Variants in TRIM42 observed in about 807,000 individuals in gnomAD.
The protein encoded by TRIM42 is tripartite motif-containing protein 42.
A neutral mutation model predicts 64.9 loss-of-function variants in TRIM42; 59 were observed. That is an observed-to-expected ratio of 0.91 (90% CI 0.74 to 1.13). TRIM42 has a LOEUF of 1.13. Among genes scored for constraint, TRIM42 ranks in the 50% most tolerant of loss-of-function variants. The pLI, the probability that TRIM42 is intolerant of heterozygous loss-of-function variation, is 0.00. For missense variants in TRIM42, 878 were observed against 929.5 expected (o/e 0.94, Z 0.72); for synonymous variants, 354 against 346.3 (o/e 1.02, Z -0.25).
chr3:140,688,863 C>G (rs1347741127), intron 3 of TRIM42, among the ~76,000 whole-genome samples: 1 of 152,244 alleles, frequency 6.6e-6, no homozygotes, highest in African/African-American at 2.4e-5. Flanking sequence ...TTTGAAGACA[C>G]TACTTGGCAG....
At chr3:140,700,624 C>A (rs1182887879) in intron 4 of TRIM42, among the ~76,000 whole-genome samples, 2 of 152,232 alleles carry the variant, frequency 1.3e-5, no homozygotes, top group Non-Finnish European at 1.5e-5. Flanking sequence ...GTCATCAGCA[C>A]TTAGTCACAT....
At chr3:140,679,537 T>C (rs965333992) in intron 1 of TRIM42, among the ~76,000 whole-genome samples, 2 of 152,204 alleles carry the variant, frequency 1.3e-5, no homozygotes, top group Non-Finnish European at 2.9e-5. Flanking sequence ...TTTGGTGAAT[T>C]CAGGGGAAAG....
chr3:140,679,749 TG>T (rs1055668430), intron 1 of TRIM42, among the ~76,000 whole-genome samples: 1 of 152,136 alleles, frequency 6.6e-6, no homozygotes, highest in African/African-American at 2.4e-5. Context: ...ACTGAACCTC[TG>T]AGCCCATTTC....
At chr3:140,700,581 G>A (rs1256812961) in intron 4 of TRIM42, among the ~76,000 whole-genome samples, 1 of 152,188 alleles carries the variant, frequency 6.6e-6, no homozygotes, top group Non-Finnish European at 1.5e-5. Flanking sequence ...GATCCTCTAT[G>A]GTGAAGCTCA....
At chr3:140,693,393 C>T (rs1469960155) in intron 4 of TRIM42, among the ~76,000 whole-genome samples, 3 of 152,142 alleles carry the variant, frequency 2.0e-5, no homozygotes, top group Non-Finnish European at 4.4e-5. Flanking sequence ...TCATTTTTAT[C>T]TGACTTGAGG....
At chr3:140,682,415 G>A (rs376981522) in intron 1 of TRIM42, 47 bp from the exon 2 acceptor site, 11 of 1,560,818 alleles carry the variant, frequency 7.0e-6, no homozygotes, top group South Asian at 1.2e-5. Flanking sequence ...AGCAGAGCAA[G>A]CTCTTGAGCC....
Position 140,688,350 on chromosome 3 carries a change from T to C in TRIM42, c.1668T>C (p.Cys556=), listed in dbSNP as rs1321637358. 1.2e-6 allele frequency: 2 copies of C among 1,614,030 alleles called. No individual in the cohort carries two copies. The highest frequency in any genetic ancestry group is 1.7e-6 in the Non-Finnish European group (2 of 1,180,022). ...AGGCCAAGGTGGGTCTGGAGGCCTG[T>C]GGGAGAGCCCAGTCAGCCACCCCCG... The part of the protein sequence containing the change: ...DKKAKVGLEA[C]GRAQSATPAK... The change falls in exon 3 of 5, where the codon TGT becomes TGC. Residue 556 remains cysteine (C), a synonymous_variant. Coordinates refer to ENST00000286349, the MANE Select transcript of TRIM42 (RefSeq NM_152616.5).
intron 4 of TRIM42, among the ~76,000 whole-genome samples, chr3:140,699,307 A>G (rs1988933861): frequency 6.6e-6 from 1 of 152,098 alleles, no homozygotes; most frequent in African/African-American, 2.4e-5. Context: ...TATTGTTTTT[A>G]TCTGGTTCTG....
intron 4 of TRIM42, 67 bp from the exon 5 acceptor site, chr3:140,700,821 C>A: frequency 1.4e-6 from 2 of 1,446,394 alleles, no homozygotes; most frequent in Non-Finnish European, 1.9e-6. Context: ...GTCTGACATG[C>A]AGAAGGGCCC....
rs149309664 is a variant in TRIM42, at chr3:140,688,374, C to T, written c.1692C>T (p.Pro564=). The change falls in exon 3 of 5, where the codon CCC becomes CCT. Residue 564 remains proline, a synonymous_variant. Transcript: ENST00000286349. ...GTGGGAGAGCCCAGTCAGCCACCCC[C>T]GCCAAACCCACAGACGGCCTCTACA... is the stretch of plus-strand genomic sequence containing the variant. ...EACGRAQSAT[P]AKPTDGLYTY... The T allele has an allele frequency of 4.3e-5, 69 of 1,614,016 alleles. No individual in the cohort carries two copies. The highest frequency in any genetic ancestry group is 2.1e-4 in the South Asian group (19 of 91,082).
At position 140,678,518 on chromosome 3, in the gene TRIM42, C is replaced by T. The variant is rs753830695; in HGVS notation, c.289C>T (p.Arg97Cys). 14 of 1,614,106 alleles carry T rather than the reference C, an allele frequency of 8.7e-6. No individual in the cohort carries two copies. Among genetic ancestry groups the T allele is most frequent in the East Asian group, 2.2e-5 (1 of 44,876 alleles). Residue 97 changes from arginine (R) to cysteine (C), a missense_variant, in exon 1 of 5, where the codon CGC (arginine) becomes TGC (cysteine). Coordinates refer to ENST00000286349, the MANE Select transcript of TRIM42 (RefSeq NM_152616.5). ...NCYYYESRCC[R>C]NTIITFHKGR... ...CTACTACTATGAGAGCCGCTGCTGCCGCAATACCATCATCACTTTCCACAA... is the reference window on the plus strand; with the variant it reads ...CTACTACTATGAGAGCCGCTGCTGCTGCAATACCATCATCACTTTCCACAA...
chr3:140,695,155 C>G (rs955802110), intron 4 of TRIM42, among the ~76,000 whole-genome samples: 4 of 152,046 alleles, frequency 2.6e-5, no homozygotes, highest in Non-Finnish European at 5.9e-5. Context: ...GGCTGAGGCA[C>G]GAGACTCGCT....
intron 1 of TRIM42, among the ~76,000 whole-genome samples, chr3:140,681,538 C>G (rs1337235629): frequency 6.6e-6 from 1 of 152,088 alleles, no homozygotes; most frequent in Non-Finnish European, 1.5e-5. Context: ...GATCCATTAC[C>G]ATTACCTATT....
chr3:140,685,627 T>C (rs138574450), intron 2 of TRIM42, among the ~76,000 whole-genome samples: 4 of 152,298 alleles, frequency 2.6e-5, no homozygotes, highest in Admixed American at 2.6e-4. Flanking sequence ...CACAGGCCCA[T>C]TGATTCAGAA....
chr3:140,697,109 T>C (rs1559940252), intron 4 of TRIM42, among the ~76,000 whole-genome samples: 1 of 152,248 alleles, frequency 6.6e-6, no homozygotes, highest in Admixed American at 6.5e-5. Context: ...CTTATTATTT[T>C]AAATTTCATT....
At position 140,682,776 on chromosome 3, in the gene TRIM42, T is replaced by C. The variant is rs987840869; in HGVS notation, c.656T>C (p.Met219Thr). The C allele has an allele frequency of 1.9e-6, 3 of 1,613,578 alleles. No homozygotes were observed. The highest frequency in any genetic ancestry group is 1.7e-5 in the Admixed American group (1 of 60,028). ...CACGGGCGTCTCACCAAGCGCTACA[T>C]GCAGGAGCACGGCTACCTCAAGTGG... is the stretch of plus-strand genomic sequence containing the variant. ...YLHGRLTKRY[M>T]QEHGYLKWRF... Residue 219 changes from methionine (M) to threonine (T), a missense_variant, in exon 2 of 5, where the codon ATG becomes ACG. Coordinates refer to ENST00000286349, the MANE Select transcript of TRIM42 (RefSeq NM_152616.5).
At chr3:140,684,915 T>C (rs1227154896) in intron 2 of TRIM42, among the ~76,000 whole-genome samples, 2 of 152,030 alleles carry the variant, frequency 1.3e-5, no homozygotes, top group East Asian at 3.9e-4. Context: ...AGGAGAAACT[T>C]AGGATAGTTT....
At chr3:140,694,225 C>A (rs1988794581) in intron 4 of TRIM42, among the ~76,000 whole-genome samples, 1 of 152,184 alleles carries the variant, frequency 6.6e-6, no homozygotes, top group East Asian at 1.9e-4. Flanking sequence ...CAAGATTACG[C>A]ATTGAAAAGA....
chr3:140,679,076 T>G (rs115355051), intron 1 of TRIM42, among the ~76,000 whole-genome samples: 3,093 of 149,434 alleles, frequency 0.021, 104 homozygotes, highest in African/African-American at 0.069. Context: ...ATATTGTAGA[T>G]ATAAGGATTA....
Sources: allele counts gnomAD v4.1 joint callset (sites outside exome capture counted in the v4.1 genomes callset), GRCh38; gene constraint gnomAD v4.1.1; transcripts MANE v1.5; gene names NCBI Gene and HGNC (gene_info 2026-07-23, HGNC 2026-07-21).